Variants in LARP1B observed in about 807,000 individuals in gnomAD.
The protein encoded by LARP1B is la-related protein 1B.
In LARP1B, 76 loss-of-function variants were observed where a neutral mutation model predicts 114.2. The observed-to-expected ratio is 0.67, with a 90% CI of 0.55 to 0.81. The LOEUF (loss-of-function observed/expected upper bound fraction) is 0.81. LARP1B is among the 30% of genes least tolerant of loss of function. LARP1B has a pLI of 0.00. For missense variants in LARP1B, 1,014 were observed against 1,075.8 expected (o/e 0.94, Z 0.80); for synonymous variants, 345 against 348.0 (o/e 0.99, Z 0.10).
chr4:128,068,926 C>G (rs891386203), intron 1 of LARP1B: 7 of 497,320 alleles, frequency 1.4e-5, no homozygotes, highest in Non-Finnish European at 2.5e-5. Context: ...AGTCTGCAGA[C>G]TAGTTTTAAC....
chr4:128,165,930 T>G (rs1407774075), intron 12 of LARP1B, among the ~76,000 whole-genome samples: 1 of 152,132 alleles, frequency 6.6e-6, no homozygotes, highest in Non-Finnish European at 1.5e-5. Flanking sequence ...AAATTTCTCC[T>G]CTTTTGAATC....
chr4:128,214,733 C>T (rs1455776940), downstream of LARP1B, among the ~76,000 whole-genome samples: 3 of 52,982 alleles, frequency 5.7e-5, no homozygotes, highest in African/African-American at 1.5e-4. Context: ...AAACGCAGAG[C>T]GCCTCTCCTC....
At chr4:128,121,549 G>A (rs1561306047) in intron 10 of LARP1B, among the ~76,000 whole-genome samples, 1 of 152,196 alleles carries the variant, frequency 6.6e-6, no homozygotes, top group Non-Finnish European at 1.5e-5. Flanking sequence ...GTTTTAATCA[G>A]TAAAATGAAT....
At chr4:128,099,631 A>C (rs1297855672) in intron 8 of LARP1B, among the ~76,000 whole-genome samples, 1 of 152,058 alleles carries the variant, frequency 6.6e-6, no homozygotes, top group African/African-American at 2.4e-5. Context: ...CAGTTTATCC[A>C]TTCACTTGTT....
intron 12 of LARP1B, among the ~76,000 whole-genome samples, chr4:128,175,165 C>G (rs181837439): frequency 6.6e-6 from 1 of 152,128 alleles, no homozygotes; most frequent in East Asian, 1.9e-4. Flanking sequence ...TATCATTTAT[C>G]CCATGTATTA....
Position 128,211,627 on chromosome 4 carries a change from T to C in LARP1B, c.*1574T>C. On this transcript the variant is annotated 3_prime_UTR_variant, in exon 20 of 20. Coordinates refer to ENST00000326639, the MANE Select transcript of LARP1B (RefSeq NM_018078.4). ...GTTAGAATAATAGATCTTCAAGTCTTTTCTTAAATGGGGTATGTAGTTCCA... is the reference window on the plus strand; with the variant it reads ...GTTAGAATAATAGATCTTCAAGTCTCTTCTTAAATGGGGTATGTAGTTCCA... The C allele has an allele frequency of 1.0e-6, 1 of 979,508 alleles. No homozygotes were observed. Among genetic ancestry groups the C allele is most frequent in the Non-Finnish European group, 1.2e-6 (1 of 824,608 alleles). The allele number at this position is 979,508 out of a possible 1,614,324, so 60.7% of individuals were successfully genotyped here.
intron 7 of LARP1B, among the ~76,000 whole-genome samples, chr4:128,097,469 G>A (rs541675402): frequency 8.6e-5 from 13 of 151,938 alleles, no homozygotes; most frequent in African/African-American, 2.7e-4. Flanking sequence ...TACCACACCC[G>A]GATAATTTTG....
intron 15 of LARP1B, among the ~76,000 whole-genome samples, chr4:128,180,117 T>A (rs1747836811): frequency 6.6e-6 from 1 of 152,086 alleles, no homozygotes; most frequent in African/African-American, 2.4e-5. Flanking sequence ...TTTGTGATGC[T>A]TTTTTTAAAA....
chr4:128,098,727 G>A (rs1379291362), intron 8 of LARP1B, among the ~76,000 whole-genome samples: 1 of 93,774 alleles, frequency 1.1e-5, no homozygotes, highest in Non-Finnish European at 2.0e-5. Flanking sequence ...AAAAAAGCAT[G>A]TGTTCCTGTA....
intron 1 of LARP1B, among the ~76,000 whole-genome samples, chr4:128,070,345 A>G (rs1369343155): frequency 6.6e-6 from 1 of 151,772 alleles, no homozygotes; most frequent in African/African-American, 2.4e-5. Context: ...ATAATTTACT[A>G]AATCTAAACT....
intron 11 of LARP1B, among the ~76,000 whole-genome samples, chr4:128,126,181 G>A (rs1427900747): frequency 1.3e-5 from 2 of 149,344 alleles, no homozygotes; most frequent in Admixed American, 1.3e-4. Flanking sequence ...GAGTGCAGTG[G>A]CACCATCTCA....
downstream of LARP1B, among the ~76,000 whole-genome samples, chr4:128,212,152 A>G (rs116617181): frequency 1.9e-3 from 291 of 151,916 alleles, no homozygotes; most frequent in African/African-American, 5.9e-3. Flanking sequence ...GTCTCAAGTG[A>G]TCCACCTTCC....
chr4:128,197,707 CAAAG>C (rs1446333346), intron 15 of LARP1B, among the ~76,000 whole-genome samples: 3 of 151,416 alleles, frequency 2.0e-5, no homozygotes, highest in South Asian at 4.2e-4. Flanking sequence ...AAAAGAAAAA[CAAAG>C]AAAGAAAAAA....
At chr4:128,087,412 C>T (rs1237065296) in intron 5 of LARP1B, among the ~76,000 whole-genome samples, 1 of 151,898 alleles carries the variant, frequency 6.6e-6, no homozygotes, top group Admixed American at 6.6e-5. Flanking sequence ...TTAAATATAC[C>T]TATGTAGAGG....
chr4:128,072,575 T>A (rs1419428237), intron 1 of LARP1B, among the ~76,000 whole-genome samples: 2 of 151,342 alleles, frequency 1.3e-5, no homozygotes, highest in Non-Finnish European at 1.5e-5. Context: ...TTTTTTTTTT[T>A]AATCAGAGTC....
chr4:128,156,863 TAAAAAAAA>T (rs56753518), intron 11 of LARP1B, among the ~76,000 whole-genome samples: 2 of 80,782 alleles, frequency 2.5e-5, no homozygotes, highest in African/African-American at 9.9e-5. Context: ...GGCTTGAAGC[TAAAAAAAA>T]AAAAAAAAAA....
chr4:128,098,274 A>T lies in LARP1B; in HGVS notation c.757A>T (p.Ile253Phe). The T allele has an allele frequency of 6.2e-7, 1 of 1,613,994 alleles. No homozygotes were observed. The highest frequency in any genetic ancestry group is 8.5e-7 in the Non-Finnish European group (1 of 1,179,920). Residue 253 changes from isoleucine (I) to phenylalanine (F), a missense_variant, in exon 8 of 20, where the codon ATT becomes TTT. Ile to Phe is a conservative substitution (Grantham distance 21). Transcript: ENST00000326639. ...DEQGFLPISLIAGFQRVQALT... is the reference protein window; with the variant it reads ...DEQGFLPISLFAGFQRVQALT... ...ACAAGGTTTCTTGCCTATTTCCCTG[A>T]TTGCTGGTTTTCAGCGTGTTCAGGC...
intron 8 of LARP1B, among the ~76,000 whole-genome samples, chr4:128,103,431 A>G (rs116410560): frequency 0.027 from 4,044 of 152,210 alleles, 166 homozygotes; most frequent in African/African-American, 0.093. Flanking sequence ...TCCACCAACA[A>G]TGAATGAATT....
At chr4:128,217,637 C>T (rs1337621279) in intron 6 of LARP1B, among the ~76,000 whole-genome samples, 5 of 55,362 alleles carry the variant, frequency 9.0e-5, no homozygotes, top group Admixed American at 4.7e-4. Context: ...ATTGATGGGA[C>T]GTATCTCAAA....
Sources: gnomAD v4.1 joint callset for allele counts (sites outside exome capture counted in the v4.1 genomes callset) on GRCh38, gnomAD v4.1.1 for gene constraint, MANE v1.5 for transcripts, NCBI Gene and HGNC (gene_info 2026-07-23, HGNC 2026-07-21) for gene names.